STRADB: variants seen among roughly 807,000 people sequenced by gnomAD.
STRADB encodes STE20 related adaptor beta.
A neutral mutation model predicts 52.1 loss-of-function variants in STRADB; 34 were observed. That is an observed-to-expected ratio of 0.65 (90% CI 0.50 to 0.87). STRADB has a LOEUF of 0.87. Among genes scored for constraint, STRADB ranks in the 40% least tolerant of loss-of-function variants. The pLI is 0.00. For missense variants in STRADB, 340 were observed against 483.9 expected (o/e 0.70, Z 2.79); for synonymous variants, 133 against 174.5 (o/e 0.76, Z 1.87).
At chr2:201,471,033 G>A (rs1952381265) in intron 4 of STRADB, among the ~76,000 whole-genome samples, 1 of 152,152 alleles carries the variant, frequency 6.6e-6, no homozygotes, top group Admixed American at 6.5e-5. Context: ...TCTGACGACT[G>A]CTGCTGCTTT....
At chr2:201,477,299 C>T (rs918121272) in intron 7 of STRADB, among the ~76,000 whole-genome samples, 42 of 151,988 alleles carry the variant, frequency 2.8e-4, no homozygotes, top group Non-Finnish European at 4.3e-4. Flanking sequence ...CTCCTGACCT[C>T]GTGATCTGCC....
intron 3 of STRADB, among the ~76,000 whole-genome samples, chr2:201,459,352 C>T (rs557692660): frequency 1.3e-5 from 2 of 152,266 alleles, no homozygotes; most frequent in African/African-American, 4.8e-5. Flanking sequence ...CTCTAGAATA[C>T]CTCCAATTGG....
chr2:201,457,223 A>G (rs949480128), intron 2 of STRADB, among the ~76,000 whole-genome samples: 2 of 152,214 alleles, frequency 1.3e-5, no homozygotes, highest in African/African-American at 4.8e-5. Flanking sequence ...CAGTGGTATT[A>G]ATGGTCGTTG....
chr2:201,478,073 A>G lies in STRADB; in HGVS notation c.721-14A>G. ...ATTTGCACTAAAAGACTTCAAATTA[A>G]TTGTGTCCTACAGGATTTACATGGG... On this transcript the variant is annotated splice_polypyrimidine_tract_variant and intron_variant, in intron 8 of 11. Transcript: ENST00000194530. 6.3e-7 allele frequency: 1 copy of G among 1,587,166 alleles called. No individual in the cohort carries two copies.
At chr2:201,466,720 C>T (rs989465386) in intron 3 of STRADB, among the ~76,000 whole-genome samples, 1 of 152,118 alleles carries the variant, frequency 6.6e-6, no homozygotes, top group Non-Finnish European at 1.5e-5. Flanking sequence ...AAATGAAAGG[C>T]TGTGATGTTT....
Position 201,476,397 on chromosome 2 carries a change from G to A in STRADB, c.548+655G>A, listed in dbSNP as rs183901990. 6.6e-4 allele frequency among the ~76,000 whole-genome samples: 97 copies of A among 147,146 alleles called. 1 individual carries two copies. The East Asian group carries it at 0.018, about 27-fold the overall frequency. On this transcript the variant is annotated intron_variant, in intron 7 of 11. Transcript: ENST00000194530. ...TTTTAGCAAAATTCTAGTTAACCAAGGATTTCCAACACACTATATTCTGGT... is the reference window on the plus strand; with the variant it reads ...TTTTAGCAAAATTCTAGTTAACCAAAGATTTCCAACACACTATATTCTGGT...
At chr2:201,473,995 A>G (rs1227862896) in intron 5 of STRADB, among the ~76,000 whole-genome samples, 1 of 145,520 alleles carries the variant, frequency 6.9e-6, no homozygotes, top group Non-Finnish European at 1.5e-5. Context: ...GGTTCACGCC[A>G]TTCTCCTGCC....
At chr2:201,466,458 G>A (rs1952306169) in intron 3 of STRADB, among the ~76,000 whole-genome samples, 1 of 152,236 alleles carries the variant, frequency 6.6e-6, no homozygotes. Flanking sequence ...GTTGACACCA[G>A]CTGGAAACTG....
chr2:201,479,167 T>A (rs1422740247), intron 10 of STRADB: 1 of 210,356 alleles, frequency 4.8e-6, no homozygotes, highest in African/African-American at 2.3e-5. Flanking sequence ...TAAAAATCAG[T>A]TACTCTTTCT....
chr2:201,471,649 A>G (rs1297966890), intron 4 of STRADB, among the ~76,000 whole-genome samples: 1 of 152,232 alleles, frequency 6.6e-6, no homozygotes, highest in Admixed American at 6.5e-5. Flanking sequence ...CCTGCTATTG[A>G]TAAAATGCCA....
At chr2:201,455,752 A>C (rs547428502) in intron 2 of STRADB, among the ~76,000 whole-genome samples, 1 of 152,162 alleles carries the variant, frequency 6.6e-6, no homozygotes, top group Admixed American at 6.5e-5. Context: ...ATAGTTTACA[A>C]ATACTTTCAT....
intron 1 of STRADB, among the ~76,000 whole-genome samples, chr2:201,454,124 A>G (rs1179945285): frequency 6.6e-6 from 1 of 152,176 alleles, no homozygotes; most frequent in Non-Finnish European, 1.5e-5. Flanking sequence ...GAACCCACAA[A>G]CTTACAAGAT....
At position 201,454,857 on chromosome 2, in the gene STRADB, G is replaced by A. The variant is rs930936392; in HGVS notation, c.12+5G>A. The A allele has an allele frequency of 3.1e-6, 5 of 1,607,806 alleles. No homozygotes were observed. Among genetic ancestry groups the A allele is most frequent in the Non-Finnish European group, 3.4e-6 (4 of 1,177,268 alleles). On this transcript the variant is annotated splice_donor_5th_base_variant and intron_variant, in intron 2 of 11. Coordinates refer to ENST00000194530, the MANE Select transcript of STRADB (RefSeq NM_018571.6). Reference sequence around the variant, plus strand: ...AGTGATTCAATGTCTCTTTTGGTAAGTTTTTGTAAATATAGATCTGATTTT... The same window carrying A: ...AGTGATTCAATGTCTCTTTTGGTAAATTTTTGTAAATATAGATCTGATTTT...
At chr2:201,476,024 G>A (rs13031753) in intron 7 of STRADB, among the ~76,000 whole-genome samples, 74,088 of 152,040 alleles carry the variant, frequency 0.49, 19,580 homozygotes, top group South Asian at 0.62. Flanking sequence ...AGGATGTTCA[G>A]GAGATGAGCT....
chr2:201,472,933 T>G, intron 4 of STRADB, 22 bp from the exon 5 acceptor site: 1 of 1,568,298 alleles, frequency 6.4e-7, no homozygotes, highest in Non-Finnish European at 8.6e-7. Flanking sequence ...GTTACTAACA[T>G]GAGTTTTATG....
chr2:201,468,364 T>A (rs555117683), intron 3 of STRADB, among the ~76,000 whole-genome samples: 1 of 152,316 alleles, frequency 6.6e-6, no homozygotes, highest in South Asian at 2.1e-4. Context: ...AATTCACCTA[T>A]TGAATAATTT....
At chr2:201,472,608 TTG>T (rs1952407763) in intron 4 of STRADB, among the ~76,000 whole-genome samples, 1 of 152,204 alleles carries the variant, frequency 6.6e-6, no homozygotes, top group Non-Finnish European at 1.5e-5. Context: ...TAGCATTCCA[TTG>T]TGTGAGTATA....
chr2:201,476,077 T>C (rs772067897), intron 7 of STRADB, among the ~76,000 whole-genome samples: 3 of 152,216 alleles, frequency 2.0e-5, no homozygotes, highest in Non-Finnish European at 4.4e-5. Flanking sequence ...TTTCGTTTTG[T>C]TTTTGTTTAA....
At chr2:201,455,101 C>T (rs757592788) in intron 2 of STRADB, among the ~76,000 whole-genome samples, 5 of 152,188 alleles carry the variant, frequency 3.3e-5, no homozygotes, top group Non-Finnish European at 7.4e-5. Flanking sequence ...TACTTTTTCT[C>T]ATAGGTGTTA....
Sources: allele counts gnomAD v4.1 joint callset (sites outside exome capture counted in the v4.1 genomes callset), GRCh38; gene constraint gnomAD v4.1.1; transcripts MANE v1.5; gene names NCBI Gene and HGNC (gene_info 2026-07-23, HGNC 2026-07-21).